The following SLCO6A1 variants were observed in gnomAD, a reference collection of about 807,000 sequenced individuals.
The protein encoded by SLCO6A1 is solute carrier organic anion transporter family member 6A1.
In SLCO6A1, 65 loss-of-function variants were observed where a neutral mutation model predicts 72.7. The observed-to-expected ratio is 0.89, with a 90% CI of 0.73 to 1.10. The LOEUF is 1.10. Among genes scored for constraint, SLCO6A1 ranks in the 50% least tolerant of loss-of-function variants. SLCO6A1 has a pLI of 0.00. For missense variants in SLCO6A1, 874 were observed against 872.6 expected (o/e 1.00, Z -0.02); for synonymous variants, 314 against 298.2 (o/e 1.05, Z -0.55).
chr5:102,492,857 T>G (rs1323181641), intron 1 of SLCO6A1, among the ~76,000 whole-genome samples: 1 of 152,196 alleles, frequency 6.6e-6, no homozygotes, highest in Non-Finnish European at 1.5e-5. Flanking sequence ...TCGCCATTGC[T>G]GAGGCTTGAG....
intron 1 of SLCO6A1, among the ~76,000 whole-genome samples, chr5:102,489,463 A>G (rs1752580301): frequency 6.6e-6 from 1 of 152,236 alleles, no homozygotes; most frequent in African/African-American, 2.4e-5. Flanking sequence ...CTGAATAGGC[A>G]TTTCTCAAAA....
intron 6 of SLCO6A1, among the ~76,000 whole-genome samples, chr5:102,453,994 C>T (rs797005570): frequency 3.3e-5 from 5 of 152,282 alleles, no homozygotes; most frequent in African/African-American, 9.6e-5. Context: ...AGTGTGTGAA[C>T]CCTTTCAGAT....
chr5:102,384,820 CAT>C (rs1746316751), intron 12 of SLCO6A1, among the ~76,000 whole-genome samples: 1 of 152,062 alleles, frequency 6.6e-6, no homozygotes, highest in Non-Finnish European at 1.5e-5. Flanking sequence ...TTTATACTTT[CAT>C]ATGTTTTCAT....
intron 7 of SLCO6A1, among the ~76,000 whole-genome samples, chr5:102,427,205 A>G (rs10055023): frequency 0.65 from 98,233 of 151,818 alleles, 31,993 homozygotes; most frequent in African/African-American, 0.67. Flanking sequence ...GATGACCTTC[A>G]GACTAGAGAC....
At chr5:102,466,354 T>A (rs1751311075) in intron 4 of SLCO6A1, among the ~76,000 whole-genome samples, 1 of 152,124 alleles carries the variant, frequency 6.6e-6, no homozygotes, top group Non-Finnish European at 1.5e-5. Flanking sequence ...AAGGACATGA[T>A]CTTGTTCCTT....
chr5:102,473,481 TA>T (rs1751734100), intron 4 of SLCO6A1, among the ~76,000 whole-genome samples: 1 of 151,924 alleles, frequency 6.6e-6, no homozygotes, highest in African/African-American at 2.4e-5. Flanking sequence ...CTCAATATAG[TA>T]AAGGCCTTGT....
chr5:102,403,764 T>C (rs906594274), intron 9 of SLCO6A1, among the ~76,000 whole-genome samples: 9 of 152,158 alleles, frequency 5.9e-5, no homozygotes, highest in Non-Finnish European at 1.3e-4. Flanking sequence ...TGATTATTCA[T>C]CTGACAAATA....
chr5:102,497,442 C>T (rs968943880), intron 1 of SLCO6A1, among the ~76,000 whole-genome samples: 1 of 152,146 alleles, frequency 6.6e-6, no homozygotes. Flanking sequence ...GACCAAACAA[C>T]GATAAATGAC....
At position 102,497,788 on chromosome 5, in the gene SLCO6A1, T is replaced by G. The variant is rs149688048; in HGVS notation, c.358+699A>C. On this transcript the variant is annotated intron_variant, in intron 1 of 13. Transcript: ENST00000506729. The stretch of plus-strand genomic sequence containing the variant: ...ATAGCTCTTTTCTGAAAAGATCCCC[T>G]TGTTGCCTGGGGACTAATCTGCCTT... Among the ~76,000 whole-genome samples, 828 of 152,330 alleles carry G rather than the reference T, an allele frequency of 5.4e-3. 17 individuals carry two copies. The highest frequency in any genetic ancestry group is 0.05 in the East Asian group (262 of 5,192).
Position 102,480,332 on chromosome 5 carries a change from GA to G in SLCO6A1, c.460del (p.Ser154HisfsTer5). 6.2e-7 allele frequency: 1 copy of G among 1,613,486 alleles called. No individual in the cohort carries two copies. The highest frequency in any genetic ancestry group is 8.5e-7 in the Non-Finnish European group (1 of 1,179,714). ...TATAAATATTGCTACCAGGCCAGAT[GA>G]AATATCGTAACTCTTTTCCAATGCC... Reference protein sequence around the residue: ...KLALEKSYDISSGLVAIFIAF... With the variant: ...KLALEKSYDIXSGLVAIFIAF... On this transcript the variant is annotated frameshift_variant, in exon 2 of 14. Transcript: ENST00000506729. LOFTEE classifies it high-confidence loss of function.
intron 9 of SLCO6A1, among the ~76,000 whole-genome samples, chr5:102,408,467 A>C (rs951997153): frequency 5.9e-5 from 9 of 152,174 alleles, no homozygotes; most frequent in Admixed American, 1.3e-4. Context: ...GTGAAACCCA[A>C]GCAAAATAAA....
intron 6 of SLCO6A1, among the ~76,000 whole-genome samples, chr5:102,441,966 C>G (rs942301031): frequency 2.6e-5 from 4 of 151,798 alleles, no homozygotes; most frequent in Non-Finnish European, 5.9e-5. Flanking sequence ...ATACGTTCTT[C>G]TAGCTCACAA....
At chr5:102,448,772 G>A (rs796134991) in intron 6 of SLCO6A1, among the ~76,000 whole-genome samples, 4 of 152,168 alleles carry the variant, frequency 2.6e-5, no homozygotes, top group African/African-American at 7.2e-5. Flanking sequence ...CCTTGCATGC[G>A]AGATGGGTCT....
At chr5:102,434,075 A>G (rs1749371285) in intron 7 of SLCO6A1, among the ~76,000 whole-genome samples, 1 of 151,920 alleles carries the variant, frequency 6.6e-6, no homozygotes, top group African/African-American at 2.4e-5. Context: ...CATTCTTTAG[A>G]CTATTTATAT....
chr5:102,466,377 T>C (rs1401503062), intron 4 of SLCO6A1, among the ~76,000 whole-genome samples: 1 of 152,176 alleles, frequency 6.6e-6, no homozygotes, highest in Admixed American at 6.6e-5. Flanking sequence ...TATGGCTGCA[T>C]AGTATTCCCT....
intron 11 of SLCO6A1, among the ~76,000 whole-genome samples, chr5:102,390,050 T>A (rs73774687): frequency 0.027 from 4,120 of 152,272 alleles, 69 homozygotes; most frequent in Middle Eastern, 0.044. Flanking sequence ...GCCGGGGTTA[T>A]CTTTTAAATG....
chr5:102,441,126 A>T (rs1465445688), intron 6 of SLCO6A1, among the ~76,000 whole-genome samples: 2 of 152,178 alleles, frequency 1.3e-5, no homozygotes, highest in Admixed American at 1.3e-4. Context: ...CTAATCCATA[A>T]AGTTCGAATT....
At chr5:102,467,876 G>C (rs1420707765) in intron 4 of SLCO6A1, among the ~76,000 whole-genome samples, 5 of 151,920 alleles carry the variant, frequency 3.3e-5, no homozygotes, top group Non-Finnish European at 5.9e-5. Flanking sequence ...TGCTGGTTTT[G>C]TGTTTGGTTC....
chr5:102,399,442 A>C, intron 10 of SLCO6A1, 113 bp downstream of exon 10: 1 of 679,850 alleles, frequency 1.5e-6, no homozygotes. Flanking sequence ...TTTCCTCTGC[A>C]TTTGCTACCA....
Sources: gnomAD v4.1 joint callset for allele counts (sites outside exome capture counted in the v4.1 genomes callset) on GRCh38, gnomAD v4.1.1 for gene constraint, MANE v1.5 for transcripts, NCBI Gene and HGNC (gene_info 2026-07-23, HGNC 2026-07-21) for gene names.